The following UNK variants were observed in gnomAD, a reference collection of about 807,000 sequenced individuals.
The protein encoded by UNK is unk zinc finger, also known as RING finger protein unkempt homolog.
UNK carries 32 observed loss-of-function variants against 97.6 expected under a neutral mutation model. That is an observed-to-expected ratio of 0.33 (90% CI 0.25 to 0.44). UNK has a LOEUF of 0.44. Ranked by LOEUF, UNK falls within the 20% of genes least tolerant of loss-of-function variation. UNK has a pLI of 1.00. For synonymous variants in UNK, 441 were observed against 461.2 expected, an observed-to-expected ratio of 0.96 and a Z score of 0.56; for missense variants, 771 against 1,098.4, an observed-to-expected ratio of 0.70 and a Z score of 4.21.
rs2062114810 is a variant in UNK at position 75,825,779 on chromosome 17, G to A, written c.*1362G>A. 6.6e-6 allele frequency: 1 copy of A among 152,228 alleles called. No homozygotes were observed. Among genetic ancestry groups the A allele is most frequent in the South Asian group, 2.1e-4 (1 of 4,836 alleles). 9.4% of individuals were successfully genotyped at this position (152,228 alleles called of 1,614,324 possible). ...AATCAACAAAGCTCCAAACCTATTG[G>A]AAATAAAATATGAACTTGCAGTGGT... is the stretch of plus-strand genomic sequence containing the variant. On this transcript the variant is annotated 3_prime_UTR_variant, in exon 16 of 16. Transcript: ENST00000589666. This position sits in a 1 kb window ranked among gnomAD's most constrained non-coding sequence, Gnocchi z 4.4.
chr17:75,818,899 A>G lies in UNK; in HGVS notation c.1546+83A>G. The G allele has an allele frequency of 7.1e-7, 1 of 1,406,414 alleles. No individual in the cohort carries two copies. Among genetic ancestry groups the G allele is most frequent in the East Asian group, 2.6e-5 (1 of 37,758 alleles). 87.1% of individuals were successfully genotyped at this position (1,406,414 alleles called of 1,614,324 possible). A position where few individuals can be genotyped will look rare whatever the true frequency, so the allele number is the denominator to read the frequency against. On this transcript the variant is annotated intron_variant, in intron 11 of 15. Transcript: ENST00000589666. The surrounding 1 kb of genome is among the most constrained non-coding windows in gnomAD (Gnocchi z 5.1). The stretch of plus-strand genomic sequence containing the variant: ...CAGTCTCTGAAGCGAGTCTCAAATC[A>G]GCACACCAGACCCCTTAGACATCTG...
chr17:75,806,399 C>A (rs140295491), intron 1 of UNK, among the ~76,000 whole-genome samples: 1 of 149,392 alleles, frequency 6.7e-6, no homozygotes, highest in Admixed American at 6.7e-5. Flanking sequence ...GCAGAGGTTG[C>A]GGTGAGTGAG....
At chr17:75,803,529 T>C (rs2061882957) in intron 1 of UNK, among the ~76,000 whole-genome samples, 1 of 152,250 alleles carries the variant, frequency 6.6e-6, no homozygotes, top group African/African-American at 2.4e-5. Context: ...TAAAAATATG[T>C]GTACAGCGGA....
At chr17:75,814,289 G>A (rs981797691) in intron 6 of UNK, among the ~76,000 whole-genome samples, 18 of 151,958 alleles carry the variant, frequency 1.2e-4, no homozygotes, top group Admixed American at 3.9e-4. Context: ...ATCACTTGAG[G>A]TCAGGAGTTT....
In UNK at chr17:75,818,192, C is replaced by T. The variant is rs367939734; in HGVS notation, c.1371+24C>T. ...AGGTATAGAGCTCTCAGCCCCCTTC[C>T]TCCCCTCTGCTGTGGACAGGAGTGG... On this transcript the variant is annotated intron_variant, in intron 10 of 15. Transcript: ENST00000589666. This position sits in a 1 kb window ranked among gnomAD's most constrained non-coding sequence, Gnocchi z 5.1. The T allele has an allele frequency of 1.7e-5, 28 of 1,612,660 alleles. No individual in the cohort carries two copies. The highest frequency in any genetic ancestry group is 5.3e-5 in the African/African-American group (4 of 74,898).
chr17:75,804,196 A>G (rs930908401), intron 1 of UNK, among the ~76,000 whole-genome samples: 4 of 152,194 alleles, frequency 2.6e-5, no homozygotes, highest in Admixed American at 2.6e-4. Flanking sequence ...GCTTATGCCT[A>G]TAATCCCAGC....
At chr17:75,792,911 A>C (rs575772363) in intron 1 of UNK, among the ~76,000 whole-genome samples, 57 of 152,384 alleles carry the variant, frequency 3.7e-4, no homozygotes, top group African/African-American at 1.2e-3. Context: ...CCTATTGCCA[A>C]GGCTCAGCAA....
chr17:75,809,177 T>C (rs777795296), intron 1 of UNK: 3 of 152,698 alleles, frequency 2.0e-5, no homozygotes, highest in Non-Finnish European at 2.9e-5. Flanking sequence ...TGCTAGGAAA[T>C]GTCTCTGGGC....
At chr17:75,808,524 G>GT (rs1200694461) in intron 1 of UNK, among the ~76,000 whole-genome samples, 2 of 152,198 alleles carry the variant, frequency 1.3e-5, no homozygotes, top group East Asian at 3.9e-4. Context: ...AGCTCATACT[G>GT]TTTCTGTTCC....
At chr17:75,791,262 G>A (rs879359514) in intron 1 of UNK, among the ~76,000 whole-genome samples, 8 of 152,146 alleles carry the variant, frequency 5.3e-5, no homozygotes, top group Non-Finnish European at 1.0e-4. Context: ...CCTGGGCATC[G>A]AATTAAACAA....
chr17:75,819,949 G>C lies in UNK; in HGVS notation c.1678G>C (p.Val560Leu). 6.2e-7 allele frequency: 1 copy of C among 1,612,616 alleles called. No individual in the cohort carries two copies. The highest frequency in any genetic ancestry group is 8.5e-7 in the Non-Finnish European group (1 of 1,179,356). ...GGSLLQSSAP[V>L]NIPGSLGSSA... The stretch of plus-strand genomic sequence containing the variant: ...CAGCTTGCTGCAGAGCTCTGCACCC[G>C]TGAACATCCCCGGCTCCTTGGGCAG... The change falls in exon 13 of 16, where the codon GTG becomes CTG. Residue 560 changes from valine (V) to leucine (L), a missense_variant. Physicochemically the swap from Val to Leu is conservative, Grantham distance 32. Transcript: ENST00000589666. The surrounding 1 kb of genome is among the most constrained non-coding windows in gnomAD (Gnocchi z 5.4).
intron 15 of UNK, 126 bp downstream of exon 15, chr17:75,823,648 C>G: frequency 7.5e-7 from 1 of 1,330,888 alleles, no homozygotes; most frequent in Non-Finnish European, 1.0e-6. Flanking sequence ...AGCACTGGGC[C>G]AGCACTCAAA....
At position 75,812,143 on chromosome 17, in the gene UNK, A is replaced by G. The variant is rs1391255788; in HGVS notation, c.346A>G (p.Thr116Ala). 1 of 1,612,864 alleles carries G rather than the reference A, an allele frequency of 6.2e-7. No individual in the cohort carries two copies. The highest frequency in any genetic ancestry group is 1.7e-5 in the Admixed American group (1 of 59,960). ...ATTCCTGCACAGAACCACAGGGGAC[A>G]CTGAGCGCAGGTACCACCTTCGTTA... The part of the protein sequence containing the change: ...CPFLHRTTGD[T>A]ERRYHLRYYK... The change falls in exon 3 of 16, where the codon ACT (threonine) becomes GCT (alanine). Residue 116 changes from threonine to alanine, a missense_variant. By Grantham distance (58) the Thr-to-Ala change is moderately conservative. Coordinates refer to ENST00000589666, the MANE Select transcript of UNK (RefSeq NM_001080419.3).
intron 1 of UNK, among the ~76,000 whole-genome samples, chr17:75,806,545 G>C (rs545336101): frequency 7.2e-5 from 11 of 151,908 alleles, no homozygotes; most frequent in African/African-American, 2.7e-4. Context: ...AAGCCGAGGC[G>C]GGCGAATCAC....
At chr17:75,791,062 A>G (rs1184789105) in intron 1 of UNK, among the ~76,000 whole-genome samples, 1 of 152,206 alleles carries the variant, frequency 6.6e-6, no homozygotes, top group Non-Finnish European at 1.5e-5. Context: ...CATGCCTTCA[A>G]CTGCAGTGAC....
In UNK at chr17:75,799,224, A is replaced by G. The variant is rs796551059; in HGVS notation, c.105-10536A>G. 1.6e-4 allele frequency among the ~76,000 whole-genome samples: 25 copies of G among 152,176 alleles called. 1 individual carries two copies. The highest frequency in any genetic ancestry group is 6.0e-4 in the African/African-American group (25 of 41,518). The stretch of plus-strand genomic sequence containing the variant: ...CTACTCGGGAGGCTGAGGTGGGAGG[A>G]TTGCTTGAGCCTGGGAGGCTGCAGT... On this transcript the variant is annotated intron_variant, in intron 1 of 15. Transcript: ENST00000589666.
At chr17:75,785,051 C>A (rs1251265646) in intron 1 of UNK, 67 bp downstream of exon 1, 1 of 1,204,544 alleles carries the variant, frequency 8.3e-7, no homozygotes, top group Non-Finnish European at 1.1e-6. Context: ...GTGAGTCACG[C>A]GCGCAGGGAG....
chr17:75,822,570 C>T lies in UNK; in HGVS notation c.1931C>T (p.Ala644Val). ...TSPAFLSGPG[A>V]AELARLRQEL... Reference sequence around the variant, plus strand: ...CCCGCTTTCCTATCAGGGCCAGGGGCTGCCGAGCTGGCCCGACTTCGGCAA... The same window carrying T: ...CCCGCTTTCCTATCAGGGCCAGGGGTTGCCGAGCTGGCCCGACTTCGGCAA... The change falls in exon 14 of 16, where the codon GCT becomes GTT. Residue 644 changes from alanine to valine, a missense_variant. Ala to Val is a moderately conservative substitution (Grantham distance 64). Transcript: ENST00000589666. 6.2e-7 allele frequency: 1 copy of T among 1,613,632 alleles called. No homozygotes were observed. The highest frequency in any genetic ancestry group is 1.1e-5 in the South Asian group (1 of 91,060).
intron 1 of UNK, among the ~76,000 whole-genome samples, chr17:75,788,022 G>A (rs978408063): frequency 6.6e-6 from 1 of 151,916 alleles, no homozygotes; most frequent in African/African-American, 2.4e-5. Context: ...TTTTGATTTT[G>A]ATTTTAAATG....
Sources: gnomAD v4.1 joint callset for allele counts (sites outside exome capture counted in the v4.1 genomes callset) on GRCh38, gnomAD v4.1.1 for gene constraint, Gnocchi (gnomAD v3.1) non-coding constraint, MANE v1.5 for transcripts, NCBI Gene and HGNC (gene_info 2026-07-23, HGNC 2026-07-21) for gene names.